Variants in TRIO observed in about 807,000 individuals in gnomAD.
TRIO encodes trio Rho guanine nucleotide exchange factor.
A neutral mutation model predicts 351.9 loss-of-function variants in TRIO; 58 were observed. The ratio of observed to expected loss-of-function variants is 0.16; its 90% CI spans 0.13 to 0.21. TRIO has a LOEUF of 0.21. TRIO is among the 10% of genes least tolerant of loss of function. TRIO has a pLI of 1.00. For synonymous variants in TRIO, 1,758 were observed against 1,595.7 expected (o/e 1.10, Z -2.42); for missense variants, 3,201 against 4,027.8 (o/e 0.79, Z 5.56).
intron 48 of TRIO, chr5:14,488,678 T>C: frequency 7.3e-6 from 4 of 549,268 alleles, no homozygotes; most frequent in Non-Finnish European, 1.3e-5. Context: ...TTTTGCTCTT[T>C]TATGCCTTAA....
chr5:14,312,211 T>C (rs1174694236), intron 8 of TRIO, among the ~76,000 whole-genome samples: 1 of 152,178 alleles, frequency 6.6e-6, no homozygotes, highest in Non-Finnish European at 1.5e-5. Flanking sequence ...AAGGGTGACA[T>C]GCAGAAATCC....
chr5:14,360,638 A>G (rs1421790038), intron 13 of TRIO, among the ~76,000 whole-genome samples: 1 of 152,232 alleles, frequency 6.6e-6, no homozygotes, highest in Non-Finnish European at 1.5e-5. Flanking sequence ...ACCTCGGTAC[A>G]GGAGGGACCT....
intron 3 of TRIO, among the ~76,000 whole-genome samples, chr5:14,282,708 G>A (rs1278997263): frequency 6.6e-6 from 1 of 151,974 alleles, no homozygotes; most frequent in African/African-American, 2.4e-5. Flanking sequence ...TTATTCACCT[G>A]GTGTATTTTA....
intron 1 of TRIO, among the ~76,000 whole-genome samples, chr5:14,207,947 A>G (rs748646172): frequency 2.6e-5 from 4 of 152,218 alleles, no homozygotes; most frequent in Non-Finnish European, 5.9e-5. Flanking sequence ...GGAAAATACA[A>G]ATTTAAATCA....
rs145546445 is a variant in TRIO at position 14,500,538 on chromosome 5, C to T, written c.8332+1898C>T. On this transcript the variant is annotated intron_variant, in intron 53 of 56. Transcript: ENST00000344204. Reference sequence around the variant, plus strand: ...CAGGTGCAGGCCCCCAAACTGTGTCCGAGAGAATCATCCAAAGAGAGCCCT... The same window carrying T: ...CAGGTGCAGGCCCCCAAACTGTGTCTGAGAGAATCATCCAAAGAGAGCCCT... 2.7e-3 allele frequency among the ~76,000 whole-genome samples: 415 copies of T among 152,194 alleles called. 1 individual carries two copies. The highest frequency in any genetic ancestry group is 9.2e-3 in the African/African-American group (380 of 41,510).
At chr5:14,369,023 G>A in intron 17 of TRIO, 124 bp downstream of exon 17, 1 of 1,199,190 alleles carries the variant, frequency 8.3e-7, no homozygotes, top group Non-Finnish European at 1.2e-6. Flanking sequence ...CAGTCAAGCA[G>A]GGAAAAGGCA....
intron 1 of TRIO, among the ~76,000 whole-genome samples, chr5:14,182,396 T>TA (rs1388030507): frequency 6.6e-6 from 1 of 152,252 alleles, no homozygotes; most frequent in Non-Finnish European, 1.5e-5. Flanking sequence ...TGGGACAAAT[T>TA]TATATCTGAT....
intron 7 of TRIO, among the ~76,000 whole-genome samples, chr5:14,299,680 T>G (rs1167195043): frequency 1.3e-5 from 2 of 152,216 alleles, no homozygotes; most frequent in Non-Finnish European, 2.9e-5. Context: ...GCTCAACCTG[T>G]TTTCATAAAC....
intron 1 of TRIO, among the ~76,000 whole-genome samples, chr5:14,221,190 T>C (rs968062457): frequency 6.6e-6 from 1 of 152,204 alleles, no homozygotes; most frequent in African/African-American, 2.4e-5. Context: ...GTTTACTGTT[T>C]TAAGCCCTCT....
At chr5:14,492,913 G>C (rs1400895049) in intron 49 of TRIO, 99 bp downstream of exon 49, 1 of 1,522,640 alleles carries the variant, frequency 6.6e-7, no homozygotes, top group African/African-American at 1.4e-5. Flanking sequence ...CATGTGGAAG[G>C]GAGATCTGCG....
At position 14,263,785 on chromosome 5, in the gene TRIO, G is replaced by C. The variant is rs150813824; in HGVS notation, c.158-7040G>C. On this transcript the variant is annotated intron_variant, in intron 1 of 56. Transcript: ENST00000344204. ...TAAGGGGATGTATATATGTAGATAA[G>C]GGTGGGGTAACTCCAGTTCCAGAAT... 2.0e-4 allele frequency among the ~76,000 whole-genome samples: 31 copies of C among 152,320 alleles called. 1 individual carries two copies. Among genetic ancestry groups the C allele is most frequent in the African/African-American group, 7.5e-4 (31 of 41,566 alleles).
chr5:14,382,398 C>T (rs1042884904), intron 21 of TRIO, among the ~76,000 whole-genome samples: 12 of 152,242 alleles, frequency 7.9e-5, no homozygotes, highest in African/African-American at 2.9e-4. Flanking sequence ...TCCTTTCCCT[C>T]GGCCCTGAGG....
intron 55 of TRIO, among the ~76,000 whole-genome samples, chr5:14,505,755 C>T (rs1757632139): frequency 6.6e-6 from 1 of 152,178 alleles, no homozygotes; most frequent in African/African-American, 2.4e-5. Context: ...GTGGGTGTCT[C>T]AGGAAGGCCT....
chr5:14,388,574 C>A, intron 23 of TRIO, 39 bp from the exon 24 acceptor site: 1 of 1,578,932 alleles, frequency 6.3e-7, no homozygotes. Flanking sequence ...AAGTAAGCTG[C>A]ACCCTGACTG....
At chr5:14,447,145 T>G (rs1281710568) in intron 34 of TRIO, among the ~76,000 whole-genome samples, 1 of 152,066 alleles carries the variant, frequency 6.6e-6, no homozygotes, top group African/African-American at 2.4e-5. Context: ...GGCAGGAGAA[T>G]CACTTGAACC....
At chr5:14,477,491 G>GT (rs1303970383) in intron 41 of TRIO, among the ~76,000 whole-genome samples, 1 of 152,094 alleles carries the variant, frequency 6.6e-6, no homozygotes, top group Non-Finnish European at 1.5e-5. Flanking sequence ...TCATTGCTGT[G>GT]TTTTTTGGTT....
chr5:14,470,296 C>T (rs1362018702), intron 37 of TRIO, among the ~76,000 whole-genome samples: 1 of 152,014 alleles, frequency 6.6e-6, no homozygotes, highest in East Asian at 1.9e-4. Context: ...GAAAATAGAA[C>T]AAGTGTTAGA....
chr5:14,450,927 CACAG>C (rs1267096308), intron 34 of TRIO, among the ~76,000 whole-genome samples: 1 of 152,182 alleles, frequency 6.6e-6, no homozygotes, highest in Non-Finnish European at 1.5e-5. Context: ...CACTAGTACT[CACAG>C]ACAGATGATA....
At chr5:14,153,888 A>G (rs1044023895) in intron 1 of TRIO, among the ~76,000 whole-genome samples, 5 of 152,198 alleles carry the variant, frequency 3.3e-5, no homozygotes, top group African/African-American at 9.6e-5. Flanking sequence ...GATCAAAGCT[A>G]TAATTTACAA....
Sources: gnomAD v4.1 joint callset for allele counts (sites outside exome capture counted in the v4.1 genomes callset) on GRCh38, gnomAD v4.1.1 for gene constraint, MANE v1.5 for transcripts, NCBI Gene and HGNC (gene_info 2026-07-23, HGNC 2026-07-21) for gene names.